The following ROBO1 variants were observed in gnomAD, a reference collection of about 807,000 sequenced individuals.
ROBO1 encodes roundabout homolog 1.
Under a neutral mutation model 195.9 loss-of-function variants are expected in ROBO1, and 149 were observed. That is an observed-to-expected ratio of 0.76 (90% confidence interval 0.67 to 0.87). The LOEUF (loss-of-function observed/expected upper bound fraction) is 0.87. Ranked by LOEUF, ROBO1 falls within the 40% of genes least tolerant of loss-of-function variation. ROBO1 has a pLI of 0.00. For synonymous variants in ROBO1, 816 were observed against 733.2 expected (o/e 1.11, Z -1.82); for missense variants, 1,933 against 2,068.3 (o/e 0.93, Z 1.27).
intron 4 of ROBO1, among the ~76,000 whole-genome samples, chr3:78,922,478 A>G (rs758842048): frequency 1.3e-5 from 2 of 152,234 alleles, no homozygotes; most frequent in South Asian, 4.2e-4. Flanking sequence ...TAGGCAAGGT[A>G]GTCAGAGCTA....
chr3:79,511,051 C>A (rs1351934753), intron 2 of ROBO1, among the ~76,000 whole-genome samples: 1 of 152,080 alleles, frequency 6.6e-6, no homozygotes, highest in Non-Finnish European at 1.5e-5. Flanking sequence ...CACTATATAT[C>A]AGTGACTCTT....
chr3:79,330,273 G>GTATATT (rs1553721134), intron 2 of ROBO1, among the ~76,000 whole-genome samples: 29 of 137,858 alleles, frequency 2.1e-4, no homozygotes, highest in African/African-American at 7.7e-4. Flanking sequence ...GTATATATAT[G>GTATATT]TATATATATA....
intron 4 of ROBO1, among the ~76,000 whole-genome samples, chr3:78,783,282 A>G (rs2083735052): frequency 6.6e-6 from 1 of 152,168 alleles, no homozygotes; most frequent in Non-Finnish European, 1.5e-5. Context: ...CCATGTGTAC[A>G]CATTGGAACA....
intron 4 of ROBO1, among the ~76,000 whole-genome samples, chr3:78,788,774 C>T (rs1307635948): frequency 6.6e-6 from 1 of 151,818 alleles, no homozygotes; most frequent in Non-Finnish European, 1.5e-5. Flanking sequence ...ATTGGCAAAA[C>T]TGACACAGCT....
chr3:79,542,617 A>T (rs1942115163), intron 2 of ROBO1, among the ~76,000 whole-genome samples: 1 of 152,094 alleles, frequency 6.6e-6, no homozygotes, highest in Non-Finnish European at 1.5e-5. Context: ...TTAAAATTAA[A>T]ATACCTTCCT....
At chr3:78,989,319 TA>T (rs1178749098) in intron 3 of ROBO1, among the ~76,000 whole-genome samples, 1 of 152,054 alleles carries the variant, frequency 6.6e-6, no homozygotes, top group Non-Finnish European at 1.5e-5. Context: ...AATTTAAAAA[TA>T]AAAAAATTTA....
At chr3:79,586,273 C>T (rs891309530) in intron 2 of ROBO1, among the ~76,000 whole-genome samples, 10 of 151,854 alleles carry the variant, frequency 6.6e-5, no homozygotes, top group Non-Finnish European at 1.3e-4. Flanking sequence ...ATTCTTTTCA[C>T]AATTTATAAT....
At chr3:79,124,221 T>C (rs1378274840) in intron 3 of ROBO1, among the ~76,000 whole-genome samples, 1 of 152,094 alleles carries the variant, frequency 6.6e-6, no homozygotes. Context: ...CCCATAGACT[T>C]TCATTTGTTG....
At chr3:79,177,683 C>T (rs573382168) in intron 2 of ROBO1, among the ~76,000 whole-genome samples, 1 of 152,198 alleles carries the variant, frequency 6.6e-6, no homozygotes, top group Non-Finnish European at 1.5e-5. Context: ...ATAAATTGAA[C>T]ATGGCATAAG....
chr3:78,886,740 A>T (rs1046793737), intron 4 of ROBO1, among the ~76,000 whole-genome samples: 1 of 152,158 alleles, frequency 6.6e-6, no homozygotes, highest in Non-Finnish European at 1.5e-5. Flanking sequence ...GGAATATATG[A>T]AGCCCCATTG....
At chr3:78,915,751 C>G (rs2038522989) in intron 4 of ROBO1, among the ~76,000 whole-genome samples, 1 of 152,006 alleles carries the variant, frequency 6.6e-6, no homozygotes, top group Admixed American at 6.6e-5. Flanking sequence ...TCACAGCTCC[C>G]TGCAGCTTAA....
At chr3:79,688,331 C>T (rs983756765) in intron 1 of ROBO1, among the ~76,000 whole-genome samples, 10 of 151,970 alleles carry the variant, frequency 6.6e-5, no homozygotes, top group Non-Finnish European at 1.3e-4. Context: ...AACTAACCTG[C>T]ACGTTGTGCA....
intron 4 of ROBO1, among the ~76,000 whole-genome samples, chr3:78,862,889 T>C (rs546306338): frequency 6.6e-6 from 1 of 152,174 alleles, no homozygotes; most frequent in African/African-American, 2.4e-5. Context: ...TTCCCCTCCA[T>C]ACTTTCTCTA....
chr3:79,595,952 C>G (rs917010082), intron 1 of ROBO1, among the ~76,000 whole-genome samples: 1 of 151,888 alleles, frequency 6.6e-6, no homozygotes, highest in African/African-American at 2.4e-5. Flanking sequence ...AAGAAAAGGT[C>G]AGCCCCATTG....
At chr3:79,645,532 TAA>T (rs1433772391) in intron 1 of ROBO1, among the ~76,000 whole-genome samples, 1 of 152,002 alleles carries the variant, frequency 6.6e-6, no homozygotes, top group African/African-American at 2.4e-5. Flanking sequence ...TTAATATTGT[TAA>T]AGTGTCTATT....
intron 4 of ROBO1, among the ~76,000 whole-genome samples, chr3:78,832,491 C>T (rs1559903067): frequency 6.6e-6 from 1 of 152,146 alleles, no homozygotes; most frequent in Admixed American, 6.6e-5. Flanking sequence ...CTGCCTCTCA[C>T]TAACAAACAG....
At chr3:79,640,332 C>G (rs1945620774) in intron 1 of ROBO1, among the ~76,000 whole-genome samples, 3 of 152,056 alleles carry the variant, frequency 2.0e-5, no homozygotes, top group Non-Finnish European at 2.9e-5. Flanking sequence ...TTTCCTCTCT[C>G]TCTTGCCTGC....
intron 3 of ROBO1, among the ~76,000 whole-genome samples, chr3:78,993,561 A>C (rs2077286036): frequency 6.6e-6 from 1 of 152,154 alleles, no homozygotes; most frequent in African/African-American, 2.4e-5. Context: ...CTGTTGACAC[A>C]AGGCTAAGTG....
At chr3:79,102,361 A>T (rs2079693617) in intron 3 of ROBO1, among the ~76,000 whole-genome samples, 1 of 151,866 alleles carries the variant, frequency 6.6e-6, no homozygotes, top group African/African-American at 2.4e-5. Flanking sequence ...ATGTAATGTA[A>T]CAAGAGGCCA....
Sources: gnomAD v4.1 joint callset for allele counts (sites outside exome capture counted in the v4.1 genomes callset) on GRCh38, gnomAD v4.1.1 for gene constraint, MANE v1.5 for transcripts, NCBI Gene and HGNC (gene_info 2026-07-23, HGNC 2026-07-21) for gene names.